ADAMTS18: variants seen among roughly 807,000 people sequenced by gnomAD.
The protein encoded by ADAMTS18 is A disintegrin and metalloproteinase with thrombospondin motifs 18.
Under a neutral mutation model 165.9 loss-of-function variants are expected in ADAMTS18, and 157 were observed. That is an observed-to-expected ratio of 0.95 (90% CI 0.83 to 1.08). The LOEUF is 1.08. Among genes scored for constraint, ADAMTS18 ranks in the 50% least tolerant of loss-of-function variants. The pLI is 0.00. For missense variants in ADAMTS18, 2,040 were observed against 1,534.0 expected, an observed-to-expected ratio of 1.33 and a Z score of -5.51; for synonymous variants, 782 against 578.2, an observed-to-expected ratio of 1.35 and a Z score of -5.06.
chr16:77,341,658 C>G, intron 11 of ADAMTS18, 46 bp downstream of exon 11: 1 of 1,467,256 alleles, frequency 6.8e-7, no homozygotes, highest in Non-Finnish European at 9.5e-7. Flanking sequence ...GAATTCTATG[C>G]CTTATCAAAT....
rs77779325 is a variant in ADAMTS18 at position 77,366,976 on chromosome 16, C to A, written c.778+465G>T. 5.3e-3 allele frequency among the ~76,000 whole-genome samples: 801 copies of A among 152,170 alleles called. 10 individuals carry two copies. The highest frequency in any genetic ancestry group is 0.019 in the African/African-American group (770 of 41,506). ...TACATTTCTATTGGACATCGCTGGTCTGGAAACGGCCGAAGGTTGTAACTA... is the reference window on the plus strand; with the variant it reads ...TACATTTCTATTGGACATCGCTGGTATGGAAACGGCCGAAGGTTGTAACTA... On this transcript the variant is annotated intron_variant, in intron 4 of 22. Transcript: ENST00000282849.
At chr16:77,408,652 A>T (rs2057422337) in intron 3 of ADAMTS18, among the ~76,000 whole-genome samples, 1 of 152,190 alleles carries the variant, frequency 6.6e-6, no homozygotes, top group South Asian at 2.1e-4. Flanking sequence ...AAAAGGCAAA[A>T]CTAACCTTCA....
chr16:77,290,004 C>A (rs1567454373), intron 21 of ADAMTS18, among the ~76,000 whole-genome samples: 2 of 152,064 alleles, frequency 1.3e-5, no homozygotes, highest in African/African-American at 4.8e-5. Flanking sequence ...TATAAAGATA[C>A]TTCATAACAA....
intron 8 of ADAMTS18, among the ~76,000 whole-genome samples, chr16:77,358,952 G>A (rs1207617158): frequency 6.6e-6 from 1 of 152,120 alleles, no homozygotes; most frequent in Non-Finnish European, 1.5e-5. Flanking sequence ...TTTTTAAAAA[G>A]CAGCATGCCA....
At chr16:77,320,343 T>C (rs1046299817) in intron 15 of ADAMTS18, among the ~76,000 whole-genome samples, 1 of 152,168 alleles carries the variant, frequency 6.6e-6, no homozygotes, top group Non-Finnish European at 1.5e-5. Flanking sequence ...AAATACACTC[T>C]TCTCCTTCCC....
chr16:77,431,595 C>G lies in ADAMTS18; in HGVS notation c.195G>C (p.Thr65=), dbSNP rs781013915. 16 of 1,613,888 alleles carry G rather than the reference C, an allele frequency of 9.9e-6. No individual in the cohort carries two copies. The highest frequency in any genetic ancestry group is 1.1e-5 in the Non-Finnish European group (13 of 1,179,988). Residue 65 remains threonine, a synonymous_variant, in exon 3 of 23, where the codon ACG becomes ACC. Transcript: ENST00000282849. ...SGLNDDYVFV[T]PVEVDSAGSY... ...ACCCGGCTGAGTCTACTTCTACTGG[C>G]GTGACAAAGACGTAATCTGCAATGG...
At chr16:77,356,350 C>T (rs1452386436) in intron 8 of ADAMTS18, among the ~76,000 whole-genome samples, 2 of 152,126 alleles carry the variant, frequency 1.3e-5, no homozygotes, top group Admixed American at 1.3e-4. Flanking sequence ...GAAAATTTTG[C>T]TCAAGTTAAA....
At chr16:77,307,246 T>G (rs747173878) in intron 16 of ADAMTS18, among the ~76,000 whole-genome samples, 7 of 152,224 alleles carry the variant, frequency 4.6e-5, no homozygotes, top group Non-Finnish European at 1.0e-4. Context: ...AATGGTTTTG[T>G]GGTGTGGATT....
rs36191323 is a variant in ADAMTS18, at chr16:77,314,753, C to CATATATATATATATAT, written c.2532+5080_2532+5095dup. On this transcript the variant is annotated intron_variant, in intron 16 of 22. Coordinates refer to ENST00000282849, the MANE Select transcript of ADAMTS18 (RefSeq NM_199355.4). ...GTTTGCTAAATATGGTCTCAGGTTT[C>CATATATATATATATAT]ATATATATATATATATATATATATA... Among the ~76,000 whole-genome samples, 47 of 36,896 alleles carry CATATATATATATATAT rather than the reference C, an allele frequency of 1.3e-3. 4 individuals carry two copies. Among genetic ancestry groups the CATATATATATATATAT allele is most frequent in the East Asian group, 3.3e-3 (5 of 1,538 alleles). 24.2% of individuals were successfully genotyped at this position (36,896 alleles called of 152,430 possible).
chr16:77,293,358 G>A, intron 19 of ADAMTS18, 100 bp from the exon 20 acceptor site: 1 of 1,080,472 alleles, frequency 9.3e-7, no homozygotes, highest in Non-Finnish European at 1.4e-6. Context: ...TGAAAGGTGG[G>A]ATAAACTCCA....
chr16:77,329,656 A>G (rs926486117), intron 12 of ADAMTS18, among the ~76,000 whole-genome samples: 1 of 152,172 alleles, frequency 6.6e-6, no homozygotes, highest in African/African-American at 2.4e-5. Flanking sequence ...ATACTAATAC[A>G]TTTCATTTTT....
At chr16:77,385,056 G>A (rs1404736309) in intron 3 of ADAMTS18, among the ~76,000 whole-genome samples, 1 of 151,874 alleles carries the variant, frequency 6.6e-6, no homozygotes, top group Non-Finnish European at 1.5e-5. Flanking sequence ...TTACAGACGT[G>A]CACCACCATG....
At chr16:77,381,237 G>A (rs1395413238) in intron 3 of ADAMTS18, among the ~76,000 whole-genome samples, 1 of 150,240 alleles carries the variant, frequency 6.7e-6, no homozygotes, top group Non-Finnish European at 1.5e-5. Flanking sequence ...CTGACTCCAT[G>A]GCCTGCCCAC....
chr16:77,392,114 G>A (rs962721875), intron 3 of ADAMTS18, among the ~76,000 whole-genome samples: 1 of 152,156 alleles, frequency 6.6e-6, no homozygotes, highest in Non-Finnish European at 1.5e-5. Flanking sequence ...AGATGTGCCA[G>A]GCACACCTGA....
intron 3 of ADAMTS18, among the ~76,000 whole-genome samples, chr16:77,415,044 G>C (rs910629899): frequency 1.3e-5 from 2 of 152,170 alleles, no homozygotes; most frequent in East Asian, 1.9e-4. Flanking sequence ...AGAAAGTAGT[G>C]AATCAACAAG....
intron 3 of ADAMTS18, among the ~76,000 whole-genome samples, chr16:77,384,966 G>A (rs917366334): frequency 8.0e-5 from 12 of 150,802 alleles, no homozygotes; most frequent in African/African-American, 2.7e-4. Context: ...CTGGAATGCA[G>A]TGGAATGATC....
chr16:77,300,687 C>A (rs906971784), intron 16 of ADAMTS18, among the ~76,000 whole-genome samples: 1 of 151,976 alleles, frequency 6.6e-6, no homozygotes, highest in African/African-American at 2.4e-5. Context: ...CACATACATA[C>A]ACACACACAC....
chr16:77,297,500 A>C, intron 17 of ADAMTS18, 85 bp from the exon 18 acceptor site: 1 of 1,372,822 alleles, frequency 7.3e-7, no homozygotes, highest in Non-Finnish European at 1.0e-6. Flanking sequence ...ATTTACCAGC[A>C]TTGTGATATT....
In ADAMTS18 at chr16:77,321,072, C is replaced by T; in HGVS notation, c.2287+7G>A. ...CATTAACAATAACAAACAGCAGCAT[C>T]TCTCACCATTTGCTTTATGCTGGTT... On this transcript the variant is annotated splice_region_variant and intron_variant, in intron 15 of 22. Coordinates refer to ENST00000282849, the MANE Select transcript of ADAMTS18 (RefSeq NM_199355.4). 10 of 1,614,170 alleles carry T rather than the reference C, an allele frequency of 6.2e-6. No homozygotes were observed. The highest frequency in any genetic ancestry group is 7.6e-6 in the Non-Finnish European group (9 of 1,180,006).
Sources: allele counts gnomAD v4.1 joint callset (sites outside exome capture counted in the v4.1 genomes callset), GRCh38; gene constraint gnomAD v4.1.1; transcripts MANE v1.5; gene names NCBI Gene and HGNC (gene_info 2026-07-23, HGNC 2026-07-21).